Variants in ATP9B observed in about 807,000 individuals in gnomAD.
ATP9B encodes the protein ATPase phospholipid transporting 9B.
In ATP9B, 110 loss-of-function variants were observed where a neutral mutation model predicts 146.1. The ratio of observed to expected loss-of-function variants is 0.75; its 90% CI spans 0.65 to 0.88. ATP9B has a LOEUF of 0.88. Among genes scored for constraint, ATP9B ranks in the 40% least tolerant of loss-of-function variants. The pLI is 0.00. For synonymous variants in ATP9B, 604 were observed against 569.7 expected, an observed-to-expected ratio of 1.06 and a Z score of -0.86; for missense variants, 1,499 against 1,496.4, an observed-to-expected ratio of 1.00 and a Z score of -0.03.
At chr18:79,139,863 C>T (rs981429778) in intron 5 of ATP9B, among the ~76,000 whole-genome samples, 2 of 152,208 alleles carry the variant, frequency 1.3e-5, no homozygotes, top group African/African-American at 4.8e-5. Flanking sequence ...CTTCTACTCT[C>T]TGTCTCCATG....
At chr18:79,362,573 C>T (rs536608816) in intron 26 of ATP9B, 7 of 152,290 alleles carry the variant, frequency 4.6e-5, no homozygotes, top group African/African-American at 1.2e-4. Context: ...GCCAGTAAGA[C>T]GGGAAACTGA....
intron 1 of ATP9B, among the ~76,000 whole-genome samples, chr18:79,079,169 A>G (rs949048744): frequency 2.0e-5 from 3 of 152,188 alleles, no homozygotes; most frequent in African/African-American, 7.2e-5. Context: ...TCCTTTGGGT[A>G]TATACCCAGT....
At chr18:79,300,177 G>A (rs904459580) in intron 13 of ATP9B, among the ~76,000 whole-genome samples, 1 of 152,212 alleles carries the variant, frequency 6.6e-6, no homozygotes, top group Admixed American at 6.5e-5. Context: ...GCTTCAGGAG[G>A]GGGGCACTCC....
At chr18:79,178,799 G>A (rs886915560) in intron 8 of ATP9B, among the ~76,000 whole-genome samples, 3 of 152,148 alleles carry the variant, frequency 2.0e-5, no homozygotes, top group Admixed American at 1.3e-4. Flanking sequence ...TTGTGCTGAT[G>A]TTCATGAAAC....
intron 15 of ATP9B, among the ~76,000 whole-genome samples, chr18:79,317,266 A>G (rs1047692235): frequency 6.6e-6 from 1 of 152,230 alleles, no homozygotes; most frequent in East Asian, 1.9e-4. Context: ...TAAATTGAAT[A>G]TCAGAGTAAA....
intron 15 of ATP9B, among the ~76,000 whole-genome samples, chr18:79,321,987 A>C (rs1246096792): frequency 6.6e-6 from 1 of 152,172 alleles, no homozygotes; most frequent in East Asian, 1.9e-4. Context: ...GTGGAGAAGA[A>C]GTTTTATTGG....
At position 79,250,824 on chromosome 18, in the gene ATP9B, C is replaced by T. The variant is rs139979218; in HGVS notation, c.1108-2557C>T. On this transcript the variant is annotated intron_variant, in intron 11 of 29. Coordinates refer to ENST00000426216, the MANE Select transcript of ATP9B (RefSeq NM_198531.5). ...TCCGACCATTTGTGATCTGGGGGAG[C>T]GGCGCTGTTACTGGTACTGTGGCTG... Among the ~76,000 whole-genome samples the T allele has an allele frequency of 2.4e-3, 369 of 152,202 alleles. 2 individuals carry two copies. Among genetic ancestry groups the T allele is most frequent in the South Asian group, 6.2e-3 (30 of 4,812 alleles).
chr18:79,243,982 A>G (rs1258506243), intron 11 of ATP9B, among the ~76,000 whole-genome samples: 1 of 152,242 alleles, frequency 6.6e-6, no homozygotes, highest in African/African-American at 2.4e-5. Context: ...ACTAATCTGT[A>G]TCATTACCTC....
intron 7 of ATP9B, among the ~76,000 whole-genome samples, chr18:79,170,226 C>T (rs979836753): frequency 2.0e-5 from 3 of 152,170 alleles, no homozygotes; most frequent in Non-Finnish European, 2.9e-5. Context: ...TCCCCAGAGC[C>T]ACACTGGGCC....
At chr18:79,227,448 A>C (rs2095747410) in intron 11 of ATP9B, among the ~76,000 whole-genome samples, 1 of 143,388 alleles carries the variant, frequency 7.0e-6, no homozygotes, top group African/African-American at 2.6e-5. Flanking sequence ...AATCGGATGG[A>C]TGGGTGGGTG....
Position 79,307,027 on chromosome 18 carries a change from A to G in ATP9B, c.1566A>G (p.Pro522=), listed in dbSNP as rs2096623536. Residue 522 remains proline (P), a synonymous_variant, in exon 15 of 30, where the codon CCA becomes CCG. Coordinates refer to ENST00000426216, the MANE Select transcript of ATP9B (RefSeq NM_198531.5). The part of the protein sequence containing the change: ...QAGGNNTGST[P]LRKAQSSAPK... ...GTGGAAACAATACTGGTTCAACTCC[A>G]CTAAGAAAAGCCCAATCTTCAGCTC... 1 of 1,614,118 alleles carries G rather than the reference A, an allele frequency of 6.2e-7. No homozygotes were observed. Among genetic ancestry groups the G allele is most frequent in the African/African-American group, 1.3e-5 (1 of 74,942 alleles).
chr18:79,193,040 G>A (rs1008165824), intron 8 of ATP9B, 143 bp from the exon 9 acceptor site: 28 of 658,916 alleles, frequency 4.2e-5, no homozygotes, highest in African/African-American at 3.9e-4. Flanking sequence ...CTAATTTATA[G>A]TGTTGGCACA....
intron 1 of ATP9B, among the ~76,000 whole-genome samples, chr18:79,073,800 TTCAAGATA>T (rs2072273981): frequency 6.6e-6 from 1 of 152,232 alleles, no homozygotes; most frequent in African/African-American, 2.4e-5. Flanking sequence ...TTATGTTTGT[TTCAAGATA>T]ATATTTGATT....
At chr18:79,163,672 TA>T (rs1324644494) in intron 7 of ATP9B, among the ~76,000 whole-genome samples, 1 of 152,132 alleles carries the variant, frequency 6.6e-6, no homozygotes, top group Non-Finnish European at 1.5e-5. Flanking sequence ...TCGTGCAATA[TA>T]TTTTTTTATA....
At chr18:79,186,191 A>G (rs1271776640) in intron 8 of ATP9B, among the ~76,000 whole-genome samples, 1 of 152,188 alleles carries the variant, frequency 6.6e-6, no homozygotes, top group Non-Finnish European at 1.5e-5. Context: ...AAACAATACC[A>G]TTTACATTTA....
At chr18:79,156,966 C>A (rs2094792995) in intron 7 of ATP9B, among the ~76,000 whole-genome samples, 1 of 152,156 alleles carries the variant, frequency 6.6e-6, no homozygotes, top group Non-Finnish European at 1.5e-5. Flanking sequence ...CAGACAGAGG[C>A]CAGAATACAT....
chr18:79,127,749 T>C (rs1228613227), intron 5 of ATP9B, among the ~76,000 whole-genome samples: 2 of 152,202 alleles, frequency 1.3e-5, no homozygotes, highest in Non-Finnish European at 2.9e-5. Context: ...CTGGATTATT[T>C]GGTAACTCTA....
chr18:79,329,123 G>A lies in ATP9B; in HGVS notation c.1774-18G>A, dbSNP rs750044920. The A allele has an allele frequency of 3.3e-6, 5 of 1,535,374 alleles. No homozygotes were observed. The highest frequency in any genetic ancestry group is 2.4e-5 in the East Asian group (1 of 41,666). ...TCCTGAGGCAGCGGTGGCCTCAGTT[G>A]TTGCTGGTCTCCCGTAGGTCGCTCT... On this transcript the variant is annotated intron_variant, in intron 15 of 29. Transcript: ENST00000426216.
In ATP9B at chr18:79,377,380, C is replaced by T. The variant is rs752113780; in HGVS notation, c.3441C>T (p.Ser1147=). 6.2e-7 allele frequency: 1 copy of T among 1,607,580 alleles called. No homozygotes were observed. The highest frequency in any genetic ancestry group is 1.7e-5 in the Admixed American group (1 of 60,018). The part of the protein sequence containing the change: ...LSPPSYCKLA[S] ...CTCCCAGCTACTGCAAGCTGGCCTC[C>T]TAAGGGGCTGTGCACCCCCAGCGGG... The change falls in exon 30 of 30, where the codon TCC becomes TCT. Residue 1147 remains serine (S), a synonymous_variant. Coordinates refer to ENST00000426216, the MANE Select transcript of ATP9B (RefSeq NM_198531.5).
Sources: gnomAD v4.1 joint callset for allele counts (sites outside exome capture counted in the v4.1 genomes callset) on GRCh38, gnomAD v4.1.1 for gene constraint, MANE v1.5 for transcripts, NCBI Gene and HGNC (gene_info 2026-07-23, HGNC 2026-07-21) for gene names.